Variants in NMNAT3 observed in about 807,000 individuals in gnomAD.
The protein encoded by NMNAT3 is nicotinamide/nicotinic acid mononucleotide adenylyltransferase 3.
In NMNAT3, 21 loss-of-function variants were observed where a neutral mutation model predicts 24.8. That is an observed-to-expected ratio of 0.85 (90% confidence interval 0.60 to 1.22). NMNAT3 has a LOEUF of 1.22. NMNAT3 is among the 50% of genes most tolerant of loss of function. NMNAT3 has a pLI of 0.00. For missense variants in NMNAT3, 387 were observed against 436.6 expected, an observed-to-expected ratio of 0.89 and a Z score of 1.01; for synonymous variants, 136 against 155.2, an observed-to-expected ratio of 0.88 and a Z score of 0.92.
rs548555161 is a variant in NMNAT3 at position 139,561,316 on chromosome 3, C to A, written c.735G>T (p.Ala245=). The A allele has an allele frequency of 6.2e-7, 1 of 1,614,006 alleles. No homozygotes were observed. Among genetic ancestry groups the A allele is most frequent in the South Asian group, 1.1e-5 (1 of 91,050 alleles). ...ACTTCTCCACTATTTCCTGGATGTG[C>A]GCATCCTTCCAGAGGTTGGGGGTCT... Residue 245 remains alanine (A), a synonymous_variant, in exon 7 of 7, where the codon GCG becomes GCT. Coordinates refer to ENST00000643695, the MANE Select transcript of NMNAT3 (RefSeq NM_001320510.2).
chr3:139,651,562 G>T (rs907585261), intron 1 of NMNAT3, among the ~76,000 whole-genome samples: 1 of 152,146 alleles, frequency 6.6e-6, no homozygotes. Flanking sequence ...ACTTTGAACT[G>T]CCTCTCCATC....
At chr3:139,615,880 T>C (rs1281087253) in intron 3 of NMNAT3, among the ~76,000 whole-genome samples, 1 of 151,884 alleles carries the variant, frequency 6.6e-6, no homozygotes, top group Non-Finnish European at 1.5e-5. Flanking sequence ...TGTGGGAAAT[T>C]AGAAGGCATG....
Position 139,594,639 on chromosome 3 carries a change from G to A in NMNAT3, c.110-11431C>T, listed in dbSNP as rs1477802197. On this transcript the variant is annotated intron_variant, in intron 3 of 6. Transcript: ENST00000643695. ...ATGATCAAGTGGGCTTCATCCCTGG[G>A]ATGCAAGACTGGTTCAATATACGCA... Among the ~76,000 whole-genome samples, 3 of 152,296 alleles carry A rather than the reference G, an allele frequency of 2.0e-5. No homozygotes were observed. In the East Asian group the frequency reaches 5.8e-4, roughly 29 times the overall value.
chr3:139,573,824 G>T (rs1375403405), intron 5 of NMNAT3, 144 bp from the exon 6 acceptor site: 1 of 498,334 alleles, frequency 2.0e-6, no homozygotes, highest in Admixed American at 4.0e-5. Context: ...CTACTCTGTG[G>T]CAGGCATTGC....
chr3:139,625,651 ATTG>A (rs1453129668), intron 3 of NMNAT3, among the ~76,000 whole-genome samples: 2 of 152,170 alleles, frequency 1.3e-5, no homozygotes, highest in Non-Finnish European at 2.9e-5. Context: ...CCCACAATGT[ATTG>A]TTATTTTTAT....
chr3:139,601,481 G>A (rs917909353), intron 3 of NMNAT3, among the ~76,000 whole-genome samples: 1 of 152,206 alleles, frequency 6.6e-6, no homozygotes, highest in African/African-American at 2.4e-5. Flanking sequence ...CAGATACACG[G>A]TTGGAAAGCA....
intron 3 of NMNAT3, among the ~76,000 whole-genome samples, chr3:139,606,994 G>A (rs1354569608): frequency 6.6e-6 from 1 of 151,994 alleles, no homozygotes; most frequent in African/African-American, 2.4e-5. Flanking sequence ...CCCTGCCCCA[G>A]CCCTGGAATC....
intron 4 of NMNAT3, among the ~76,000 whole-genome samples, chr3:139,582,554 A>G (rs1355878030): frequency 7.0e-6 from 1 of 141,962 alleles, no homozygotes; most frequent in Non-Finnish European, 1.5e-5. Context: ...AGGTGGGTGG[A>G]TCACTTGAAC....
intron 3 of NMNAT3, among the ~76,000 whole-genome samples, chr3:139,622,780 G>GAT (rs1028139239): frequency 1.5e-5 from 2 of 135,868 alleles, no homozygotes; most frequent in South Asian, 2.3e-4. Context: ...TCATATATAT[G>GAT]ATATATATAT....
intron 3 of NMNAT3, among the ~76,000 whole-genome samples, chr3:139,615,867 TTG>T (rs10575623): frequency 0.93 from 141,156 of 151,966 alleles, 66,488 homozygotes; most frequent in East Asian, 1. Flanking sequence ...TTCTAGCTTC[TTG>T]TGTGGGAAAT....
chr3:139,566,649 G>A (rs1295018603), intron 6 of NMNAT3: 1 of 152,080 alleles, frequency 6.6e-6, no homozygotes, highest in African/African-American at 2.4e-5. Flanking sequence ...TTTTTCTCAG[G>A]TTTGTCAAAG....
intron 1 of NMNAT3, among the ~76,000 whole-genome samples, chr3:139,667,459 G>A (rs1354841207): frequency 6.6e-6 from 1 of 152,028 alleles, no homozygotes; most frequent in Non-Finnish European, 1.5e-5. Context: ...AAAATATTTG[G>A]GCTTTTTTTT....
At chr3:139,673,954 G>A (rs1297711310) in intron 1 of NMNAT3, among the ~76,000 whole-genome samples, 1 of 152,150 alleles carries the variant, frequency 6.6e-6, no homozygotes, top group East Asian at 1.9e-4. Context: ...GGAAGGCTGA[G>A]GAGGGATTCA....
At chr3:139,657,458 T>C (rs566059385) in intron 1 of NMNAT3, among the ~76,000 whole-genome samples, 1 of 152,304 alleles carries the variant, frequency 6.6e-6, no homozygotes, top group East Asian at 1.9e-4. Flanking sequence ...GCGAAGGCAA[T>C]GGGGCCTCCA....
intron 1 of NMNAT3, among the ~76,000 whole-genome samples, chr3:139,664,593 T>C (rs1262440540): frequency 6.6e-6 from 1 of 152,102 alleles, no homozygotes; most frequent in Non-Finnish European, 1.5e-5. Flanking sequence ...ACGGAGAAGG[T>C]GAGATTCCTA....
intron 5 of NMNAT3, among the ~76,000 whole-genome samples, chr3:139,577,175 T>C (rs1939450151): frequency 1.3e-5 from 2 of 151,968 alleles, no homozygotes; most frequent in Non-Finnish European, 2.9e-5. Flanking sequence ...CAATCTTAGC[T>C]CACTCCTGTA....
intron 3 of NMNAT3, among the ~76,000 whole-genome samples, chr3:139,599,741 T>C (rs1232129420): frequency 6.6e-6 from 1 of 152,212 alleles, no homozygotes; most frequent in Admixed American, 6.5e-5. Flanking sequence ...TTTAATGTTT[T>C]GCATCTTTTT....
chr3:139,581,863 TTA>T (rs2053635237), intron 4 of NMNAT3, among the ~76,000 whole-genome samples: 1 of 152,174 alleles, frequency 6.6e-6, no homozygotes, highest in African/African-American at 2.4e-5. Flanking sequence ...ACGTAGTTTA[TTA>T]TATGTTAATT....
At chr3:139,583,732 G>A in intron 3 of NMNAT3, 1 of 633,660 alleles carries the variant, frequency 1.6e-6, no homozygotes, top group Admixed American at 2.8e-5. Context: ...GGTGGATTGA[G>A]AGACATTCTT....
Sources: allele counts gnomAD v4.1 joint callset (sites outside exome capture counted in the v4.1 genomes callset), GRCh38; gene constraint gnomAD v4.1.1; transcripts MANE v1.5; gene names NCBI Gene and HGNC (gene_info 2026-07-23, HGNC 2026-07-21).